Variants in YWHAE observed in about 807,000 individuals in gnomAD.
YWHAE encodes the protein tyrosine 3-monooxygenase/tryptophan 5-monooxygenase activation protein epsilon, also known as 14-3-3 protein epsilon.
In YWHAE, 4 loss-of-function variants were observed where a neutral mutation model predicts 30.1. The observed-to-expected ratio is 0.13, with a 90% CI of 0.07 to 0.30. YWHAE has a LOEUF of 0.30. YWHAE is among the 10% of genes least tolerant of loss of function. The pLI is 1.00. For missense variants in YWHAE, 121 were observed against 315.9 expected, an observed-to-expected ratio of 0.38 and a Z score of 4.68; for synonymous variants, 118 against 111.8, an observed-to-expected ratio of 1.06 and a Z score of -0.35.
At position 1,354,964 on chromosome 17, in the gene YWHAE, GTTTTTTT is replaced by G. The variant is rs56351171; in HGVS notation, c.579-624_579-618del. Among the ~76,000 whole-genome samples, 619 of 74,636 alleles carry G rather than the reference GTTTTTTT, an allele frequency of 8.3e-3. 11 individuals are homozygous for G. Among genetic ancestry groups the G allele is most frequent in the African/African-American group, 0.021 (518 of 25,250 alleles). 49.0% of individuals were successfully genotyped at this position (74,636 alleles called of 152,430 possible). On this transcript the variant is annotated intron_variant, in intron 4 of 5. Transcript: ENST00000264335. Reference sequence around the variant, plus strand: ...GGCGTGAGCCACCGCGCCCAGCCTAGTTTTTTTTTTTTTTTTTTTTTTTTTTTTTTTT... The same window carrying G: ...GGCGTGAGCCACCGCGCCCAGCCTAGTTTTTTTTTTTTTTTTTTTTTTTTT...
At position 1,396,490 on chromosome 17, in the gene YWHAE, A is replaced by T. The variant is rs904659361; in HGVS notation, c.64+3557T>A. On this transcript the variant is annotated intron_variant, in intron 1 of 5. Transcript: ENST00000264335. ...ATGCATTCCTAGGGAATCCAACATG[A>T]CCATCAAAACTTCATCCTACCTTCC... 7.9e-5 allele frequency among the ~76,000 whole-genome samples: 12 copies of T among 152,322 alleles called. No individual in the cohort carries two copies. In the South Asian group the frequency reaches 1.5e-3, roughly 18 times the overall value.
At chr17:1,357,402 C>CAA (rs1195729330) in intron 4 of YWHAE, among the ~76,000 whole-genome samples, 12,863 of 79,996 alleles carry the variant, frequency 0.16, 1,553 homozygotes, top group African/African-American at 0.34. Flanking sequence ...GACTCCGTCT[C>CAA]AAAAAAAAAA....
intron 1 of YWHAE, among the ~76,000 whole-genome samples, chr17:1,392,519 G>A (rs974865548): frequency 6.6e-6 from 1 of 152,128 alleles, no homozygotes; most frequent in African/African-American, 2.4e-5. Context: ...CAACACTGGT[G>A]AATCATATGC....
chr17:1,383,419 G>C (rs1382323985), intron 1 of YWHAE, among the ~76,000 whole-genome samples: 2 of 134,004 alleles, frequency 1.5e-5, no homozygotes, highest in Non-Finnish European at 3.1e-5. Context: ...ACGGAGTCTT[G>C]GTCTGTTGCC....
chr17:1,365,836 A>T (rs2072933556), intron 1 of YWHAE, among the ~76,000 whole-genome samples: 2 of 152,202 alleles, frequency 1.3e-5, no homozygotes, highest in Admixed American at 1.3e-4. Flanking sequence ...TTTTAGGGCC[A>T]GGAGTAAGTG....
intron 1 of YWHAE, among the ~76,000 whole-genome samples, chr17:1,384,940 A>AC (rs1334140414): frequency 6.6e-6 from 1 of 151,890 alleles, no homozygotes; most frequent in African/African-American, 2.4e-5. Flanking sequence ...TGAACTCCCA[A>AC]CCACAGATGA....
Position 1,397,961 on chromosome 17 carries a change from A to G in YWHAE, c.64+2086T>C, listed in dbSNP as rs544540921. ...CAGAGTCCCATGTTCAATAACCAATAAGGGCTCTGGTCAGAAATCCTCACC... is the reference window on the plus strand; with the variant it reads ...CAGAGTCCCATGTTCAATAACCAATGAGGGCTCTGGTCAGAAATCCTCACC... On this transcript the variant is annotated intron_variant, in intron 1 of 5. Coordinates refer to ENST00000264335, the MANE Select transcript of YWHAE (RefSeq NM_006761.5). 1.4e-3 allele frequency among the ~76,000 whole-genome samples: 215 copies of G among 152,290 alleles called. 2 individuals carry two copies. Among genetic ancestry groups the G allele is most frequent in the African/African-American group, 4.8e-3 (199 of 41,552 alleles).
chr17:1,383,791 T>TA (rs1340208993), intron 1 of YWHAE, among the ~76,000 whole-genome samples: 2 of 152,144 alleles, frequency 1.3e-5, no homozygotes, highest in South Asian at 2.1e-4. Flanking sequence ...TTTCAGAAAA[T>TA]AGAGTATTCC....
At chr17:1,397,683 G>T (rs546806974) in intron 1 of YWHAE, among the ~76,000 whole-genome samples, 1 of 152,082 alleles carries the variant, frequency 6.6e-6, no homozygotes, top group South Asian at 2.1e-4. Context: ...TCTGTTTGGT[G>T]ACCAGAACTC....
intron 4 of YWHAE, among the ~76,000 whole-genome samples, chr17:1,355,954 G>C (rs2072733502): frequency 6.6e-6 from 1 of 152,016 alleles, no homozygotes; most frequent in Non-Finnish European, 1.5e-5. Flanking sequence ...GGATCACGTG[G>C]TTAGGAGATC....
chr17:1,369,455 C>G (rs35126676), intron 1 of YWHAE, among the ~76,000 whole-genome samples: 1 of 152,180 alleles, frequency 6.6e-6, no homozygotes, highest in Non-Finnish European at 1.5e-5. Flanking sequence ...GATGGCTCCA[C>G]TGCACTACAG....
chr17:1,376,374 C>CAGAAAGAAAGAAAAAGAAAGAGAG lies in YWHAE; in HGVS notation c.65-11340_65-11317dup, dbSNP rs1555644044. 3.1e-3 allele frequency among the ~76,000 whole-genome samples: 242 copies of CAGAAAGAAAGAAAAAGAAAGAGAG among 77,014 alleles called. 1 individual carries two copies. Among genetic ancestry groups the CAGAAAGAAAGAAAAAGAAAGAGAG allele is most frequent in the Middle Eastern group, 0.023 (4 of 172 alleles). The allele number at this position is 77,014 out of a possible 152,430, so 50.5% of individuals were successfully genotyped here. A position where few individuals can be genotyped will look rare whatever the true frequency, so the allele number is the denominator to read the frequency against. On this transcript the variant is annotated intron_variant, in intron 1 of 5. Transcript: ENST00000264335. Reference sequence around the variant, plus strand: ...AAGACAAGAAAGACAGACAGACAGACAGAAAGAAAGAAAAAGAAAGAGAGA... The same window carrying CAGAAAGAAAGAAAAAGAAAGAGAG: ...AAGACAAGAAAGACAGACAGACAGACAGAAAGAAAGAAAAAGAAAGAGAGAGAAAGAAAGAAAAAGAAAGAGAGA...
In YWHAE at chr17:1,344,844, G is replaced by A. The variant is rs1248590725; in HGVS notation, c.*603C>T. 1.7e-5 allele frequency: 4 copies of A among 233,080 alleles called. No individual in the cohort carries two copies. The Admixed American group carries it at 2.3e-4, about 13-fold the overall frequency. The allele number at this position is 233,080 out of a possible 1,614,324, so 14.4% of individuals were successfully genotyped here. A position where few individuals can be genotyped will look rare whatever the true frequency, so the allele number is the denominator to read the frequency against. On this transcript the variant is annotated 3_prime_UTR_variant, in exon 6 of 6. Coordinates refer to ENST00000264335, the MANE Select transcript of YWHAE (RefSeq NM_006761.5). ...GGGAGAGTAAAGTAGGCAAGAATGA[G>A]CAGCCACGGATTGTTGAACTGTTAC...
chr17:1,378,410 A>G (rs1425264241), intron 1 of YWHAE, among the ~76,000 whole-genome samples: 1 of 152,260 alleles, frequency 6.6e-6, no homozygotes, highest in African/African-American at 2.4e-5. Flanking sequence ...ATTCATGACA[A>G]TCAACATTCT....
At chr17:1,390,086 C>T (rs140438293) in intron 1 of YWHAE, among the ~76,000 whole-genome samples, 567 of 152,184 alleles carry the variant, frequency 3.7e-3, no homozygotes, top group African/African-American at 0.012. Flanking sequence ...TCAGGTGATC[C>T]GCCCAACTTG....
At chr17:1,379,772 T>C (rs140426586) in intron 1 of YWHAE, among the ~76,000 whole-genome samples, 2 of 152,264 alleles carry the variant, frequency 1.3e-5, no homozygotes, top group East Asian at 3.9e-4. Context: ...TTGGACAAGA[T>C]TTAGGAAACA....
chr17:1,374,207 A>G (rs764159912), intron 1 of YWHAE, among the ~76,000 whole-genome samples: 3 of 151,866 alleles, frequency 2.0e-5, no homozygotes. Flanking sequence ...AATCCCAGCT[A>G]CTCGGGAGGC....
intron 5 of YWHAE, 53 bp downstream of exon 5, chr17:1,354,158 C>T: frequency 1.3e-6 from 2 of 1,594,300 alleles, no homozygotes; most frequent in Non-Finnish European, 1.7e-6. Context: ...AAAGAGAGTA[C>T]AAACAAATCC....
At chr17:1,379,783 C>T (rs1352553363) in intron 1 of YWHAE, among the ~76,000 whole-genome samples, 1 of 152,166 alleles carries the variant, frequency 6.6e-6, no homozygotes, top group Non-Finnish European at 1.5e-5. Flanking sequence ...TTAGGAAACA[C>T]TCCTGGAACT....
Sources: allele counts gnomAD v4.1 joint callset (sites outside exome capture counted in the v4.1 genomes callset), GRCh38; gene constraint gnomAD v4.1.1; transcripts MANE v1.5; gene names NCBI Gene and HGNC (gene_info 2026-07-23, HGNC 2026-07-21).